DTNBP1: variants seen among roughly 807,000 people sequenced by gnomAD.
DTNBP1 encodes dysbindin.
A neutral mutation model predicts 42.8 loss-of-function variants in DTNBP1; 35 were observed. That is an observed-to-expected ratio of 0.82 (90% CI 0.63 to 1.09). The LOEUF is 1.09. Ranked by LOEUF, DTNBP1 falls within the 50% of genes least tolerant of loss-of-function variation. The pLI is 0.00. For missense variants in DTNBP1, 457 were observed against 424.2 expected (o/e 1.08, Z -0.68); for synonymous variants, 171 against 162.2 (o/e 1.05, Z -0.41).
chr6:15,652,184 T>G, intron 1 of DTNBP1, 44 bp from the exon 2 acceptor site: 1 of 1,464,570 alleles, frequency 6.8e-7, no homozygotes, highest in Non-Finnish European at 9.3e-7. Flanking sequence ...AGTCAAGAGA[T>G]TATTATTATT....
At chr6:15,544,894 T>A (rs1773783333) in intron 7 of DTNBP1, among the ~76,000 whole-genome samples, 1 of 152,236 alleles carries the variant, frequency 6.6e-6, no homozygotes, top group Non-Finnish European at 1.5e-5. Flanking sequence ...ATATTTTCAA[T>A]AATTGCTGTT....
intron 7 of DTNBP1, among the ~76,000 whole-genome samples, chr6:15,556,849 C>T (rs968953025): frequency 2.0e-5 from 3 of 152,192 alleles, no homozygotes; most frequent in Non-Finnish European, 4.4e-5. Flanking sequence ...TTCCATCCTG[C>T]CCAGGGACCA....
chr6:15,573,735 T>A (rs1421297643), intron 7 of DTNBP1, among the ~76,000 whole-genome samples: 1 of 151,964 alleles, frequency 6.6e-6, no homozygotes, highest in Non-Finnish European at 1.5e-5. Context: ...AGACAAGGAG[T>A]CTTGTTCTGT....
intron 7 of DTNBP1, among the ~76,000 whole-genome samples, chr6:15,542,866 A>T (rs1380497461): frequency 1.3e-5 from 2 of 151,736 alleles, no homozygotes; most frequent in Non-Finnish European, 2.9e-5. Context: ...CACCTGGCTC[A>T]TTTTTGTATT....
intron 7 of DTNBP1, among the ~76,000 whole-genome samples, chr6:15,562,436 G>A (rs893766097): frequency 2.0e-5 from 3 of 152,150 alleles, no homozygotes; most frequent in Admixed American, 6.5e-5. Context: ...TGCACAGAAT[G>A]GAAACACTTA....
intron 7 of DTNBP1, among the ~76,000 whole-genome samples, chr6:15,577,399 G>A (rs1775627946): frequency 6.6e-6 from 1 of 152,270 alleles, no homozygotes; most frequent in South Asian, 2.1e-4. Flanking sequence ...GCCCAGAGGA[G>A]AGACAACAGT....
At chr6:15,570,281 C>T (rs1190741464) in intron 7 of DTNBP1, among the ~76,000 whole-genome samples, 1 of 152,048 alleles carries the variant, frequency 6.6e-6, no homozygotes, top group Non-Finnish European at 1.5e-5. Context: ...TATATATTCT[C>T]ATTAAAGCAA....
intron 6 of DTNBP1, among the ~76,000 whole-genome samples, chr6:15,612,138 T>C (rs1228852238): frequency 2.0e-5 from 3 of 152,244 alleles, no homozygotes; most frequent in Non-Finnish European, 4.4e-5. Context: ...CACAGCCATC[T>C]TAACCTTCAG....
At chr6:15,547,306 G>A (rs1158782395) in intron 7 of DTNBP1, among the ~76,000 whole-genome samples, 1 of 152,196 alleles carries the variant, frequency 6.6e-6, no homozygotes, top group Non-Finnish European at 1.5e-5. Flanking sequence ...TACAGGACTA[G>A]TGAACAGAGA....
chr6:15,522,898 A>G lies in DTNBP1; in HGVS notation c.*77T>C. On this transcript the variant is annotated 3_prime_UTR_variant, in exon 10 of 10. Coordinates refer to ENST00000344537, the MANE Select transcript of DTNBP1 (RefSeq NM_032122.5). Reference sequence around the variant, plus strand: ...AAAAATCAAGAACCTCTATAAAACAACCTGGCTTTCCAGGTGGAATTCCGC... The same window carrying G: ...AAAAATCAAGAACCTCTATAAAACAGCCTGGCTTTCCAGGTGGAATTCCGC... 1 of 1,613,288 alleles carries G rather than the reference A, an allele frequency of 6.2e-7. No homozygotes were observed. The highest frequency in any genetic ancestry group is 8.5e-7 in the Non-Finnish European group (1 of 1,179,746).
At chr6:15,625,994 A>C (rs1451289775) in intron 5 of DTNBP1, among the ~76,000 whole-genome samples, 1 of 152,178 alleles carries the variant, frequency 6.6e-6, no homozygotes, top group East Asian at 1.9e-4. Flanking sequence ...CTGCCTTCAG[A>C]AATAACAAAA....
At chr6:15,628,129 A>T (rs1759462006) in intron 4 of DTNBP1, among the ~76,000 whole-genome samples, 1 of 152,172 alleles carries the variant, frequency 6.6e-6, no homozygotes, top group Non-Finnish European at 1.5e-5. Flanking sequence ...TCTTTTGCTA[A>T]AGACTATAAA....
At chr6:15,598,000 A>G (rs1454402342) in intron 6 of DTNBP1, among the ~76,000 whole-genome samples, 1 of 152,264 alleles carries the variant, frequency 6.6e-6, no homozygotes, top group Non-Finnish European at 1.5e-5. Context: ...TTTAAATGTT[A>G]ACATATTTCA....
intron 7 of DTNBP1, among the ~76,000 whole-genome samples, chr6:15,534,463 C>G (rs1354786794): frequency 6.6e-6 from 1 of 152,016 alleles, no homozygotes; most frequent in African/African-American, 2.4e-5. Context: ...ACCAGCCTGG[C>G]CAATATGGTA....
chr6:15,617,736 A>G (rs1166083726), intron 5 of DTNBP1, among the ~76,000 whole-genome samples: 2 of 152,224 alleles, frequency 1.3e-5, no homozygotes, highest in Admixed American at 6.5e-5. Flanking sequence ...ATAATGGACT[A>G]AAGACTTAAA....
At chr6:15,661,198 T>G (rs1208165707) in intron 1 of DTNBP1, among the ~76,000 whole-genome samples, 1 of 152,192 alleles carries the variant, frequency 6.6e-6, no homozygotes, top group Non-Finnish European at 1.5e-5. Context: ...CATTAGAAAT[T>G]TAAAACGAGG....
chr6:15,601,877 A>G lies in DTNBP1; in HGVS notation c.489-8796T>C, dbSNP rs563808125. ...AAAAAAGAAAAAGAAAAAAAAAAAA[A>G]GGGTCCTAAACAGAACATAACATGA... On this transcript the variant is annotated intron_variant, in intron 6 of 9. Coordinates refer to ENST00000344537, the MANE Select transcript of DTNBP1 (RefSeq NM_032122.5). 4.5e-3 allele frequency among the ~76,000 whole-genome samples: 670 copies of G among 148,352 alleles called. 8 individuals are homozygous for G. Among genetic ancestry groups the G allele is most frequent in the African/African-American group, 0.015 (617 of 40,530 alleles).
At chr6:15,633,761 C>A (rs1228135665) in intron 4 of DTNBP1, among the ~76,000 whole-genome samples, 1 of 152,084 alleles carries the variant, frequency 6.6e-6, no homozygotes, top group East Asian at 1.9e-4. Flanking sequence ...CCTTCAGTAA[C>A]CACCACCCTG....
At chr6:15,604,128 T>C (rs1259147856) in intron 6 of DTNBP1, among the ~76,000 whole-genome samples, 1 of 152,214 alleles carries the variant, frequency 6.6e-6, no homozygotes, top group African/African-American at 2.4e-5. Flanking sequence ...TTGTTTCCTA[T>C]CTATCGGGTA....
Sources: gnomAD v4.1 joint callset for allele counts (sites outside exome capture counted in the v4.1 genomes callset) on GRCh38, gnomAD v4.1.1 for gene constraint, MANE v1.5 for transcripts, NCBI Gene and HGNC (gene_info 2026-07-23, HGNC 2026-07-21) for gene names.